UCHL3: variants seen among roughly 807,000 people sequenced by gnomAD.
UCHL3 encodes ubiquitin C-terminal hydrolase L3.
Under a neutral mutation model 35.8 loss-of-function variants are expected in UCHL3, and 22 were observed. The ratio of observed to expected loss-of-function variants is 0.61; its 90% confidence interval spans 0.44 to 0.88. The LOEUF is 0.88. Among genes scored for constraint, UCHL3 ranks in the 40% least tolerant of loss-of-function variants. UCHL3 has a pLI of 0.00. For synonymous variants in UCHL3, 90 were observed against 92.8 expected (o/e 0.97, Z 0.17); for missense variants, 229 against 276.9 (o/e 0.83, Z 1.23).
chr13:75,605,763 G>A lies in UCHL3; in HGVS notation c.644G>A (p.Arg215His), dbSNP rs776829672. 74 of 1,613,618 alleles carry A rather than the reference G, an allele frequency of 4.6e-5. No homozygotes were observed. The highest frequency in any genetic ancestry group is 5.5e-5 in the Non-Finnish European group (65 of 1,179,958). The stretch of plus-strand genomic sequence containing the variant: ...GAAGTTTGCAAGAAGTTTATGGAGC[G>A]CGACCCTGATGAACTAAGATTTAAT... ...AIEVCKKFME[R>H]DPDELRFNAI... is the part of the protein sequence containing the mutation. The change falls in exon 9 of 9, where the codon CGC becomes CAC. Residue 215 changes from arginine (R) to histidine (H), a missense_variant. Arg to His is a conservative substitution (Grantham distance 29). Coordinates refer to ENST00000377595, the MANE Select transcript of UCHL3 (RefSeq NM_006002.5).
chr13:75,562,534 T>TG (rs1024290001), intron 3 of UCHL3, among the ~76,000 whole-genome samples: 1 of 152,010 alleles, frequency 6.6e-6, no homozygotes, highest in African/African-American at 2.4e-5. Context: ...AGTAAATAAT[T>TG]GAAAAAAAAA....
chr13:75,558,617 T>A (rs573519320), intron 2 of UCHL3, among the ~76,000 whole-genome samples: 1 of 152,116 alleles, frequency 6.6e-6, no homozygotes. Context: ...AATGCTAGGG[T>A]TTTAGATTAG....
At chr13:75,588,366 T>G (rs766709600) in intron 6 of UCHL3, among the ~76,000 whole-genome samples, 13 of 152,148 alleles carry the variant, frequency 8.5e-5, no homozygotes, top group Admixed American at 4.6e-4. Context: ...ATTTCCCCTT[T>G]TTATTCATTG....
chr13:75,580,450 A>G (rs1462811489), intron 6 of UCHL3, among the ~76,000 whole-genome samples: 2 of 152,222 alleles, frequency 1.3e-5, no homozygotes, highest in African/African-American at 4.8e-5. Context: ...ATATGTGTAC[A>G]CACATTTATA....
chr13:75,570,632 CA>C (rs2031825838), intron 6 of UCHL3, among the ~76,000 whole-genome samples: 1 of 152,186 alleles, frequency 6.6e-6, no homozygotes, highest in Non-Finnish European at 1.5e-5. Context: ...TTTGGCTGAG[CA>C]TGCTGACTCA....
chr13:75,561,223 G>A (rs2031485242), intron 3 of UCHL3, among the ~76,000 whole-genome samples: 1 of 152,186 alleles, frequency 6.6e-6, no homozygotes, highest in Non-Finnish European at 1.5e-5. Flanking sequence ...ATGAGCCACT[G>A]TTCCCAGCCC....
At chr13:75,557,270 A>T (rs2031324484) in intron 2 of UCHL3, among the ~76,000 whole-genome samples, 1 of 152,122 alleles carries the variant, frequency 6.6e-6, no homozygotes, top group Non-Finnish European at 1.5e-5. Context: ...GTAGAGGTGA[A>T]GTGGGTACTG....
intron 2 of UCHL3, 86 bp downstream of exon 2, chr13:75,550,073 C>T (rs2031026391): frequency 5.6e-6 from 9 of 1,594,408 alleles, no homozygotes; most frequent in Non-Finnish European, 6.9e-6. Flanking sequence ...CTCCACGCTT[C>T]CAGGGATTCT....
At chr13:75,588,285 A>G (rs2032382217) in intron 6 of UCHL3, among the ~76,000 whole-genome samples, 1 of 151,986 alleles carries the variant, frequency 6.6e-6, no homozygotes, top group Non-Finnish European at 1.5e-5. Context: ...TTCCCTCTCT[A>G]GATTCTTAGA....
chr13:75,563,155 G>A (rs375625755), intron 3 of UCHL3, among the ~76,000 whole-genome samples: 1 of 148,556 alleles, frequency 6.7e-6, no homozygotes, highest in African/African-American at 2.4e-5. Context: ...ATGTATGTAT[G>A]TATGTATGTA....
Position 75,560,828 on chromosome 13 carries a change from A to G in UCHL3, c.130A>G (p.Met44Val), listed in dbSNP as rs372889994. ...TGGAATGGATCCTGAACTCCTTAGC[A>G]TGGTACCAAGACCAGTCTGTGCAGT... The part of the protein sequence containing the change: ...VYGMDPELLS[M>V]VPRPVCAVLL... The change falls in exon 3 of 9, where the codon ATG becomes GTG. Residue 44 changes from methionine (M) to valine (V), a missense_variant. Physicochemically the swap from Met to Val is conservative, Grantham distance 21. Transcript: ENST00000377595. 16 of 1,578,096 alleles carry G rather than the reference A, an allele frequency of 1.0e-5. No homozygotes were observed. The highest frequency in any genetic ancestry group is 3.9e-5 in the Admixed American group (2 of 51,396).
At chr13:75,579,401 G>A (rs984348702) in intron 6 of UCHL3, among the ~76,000 whole-genome samples, 3 of 151,850 alleles carry the variant, frequency 2.0e-5, no homozygotes, top group Non-Finnish European at 2.9e-5. Flanking sequence ...TTTTGGAGGC[G>A]ATTTTATTTT....
intron 2 of UCHL3, among the ~76,000 whole-genome samples, chr13:75,552,892 A>G (rs2031163068): frequency 6.6e-6 from 1 of 152,120 alleles, no homozygotes; most frequent in African/African-American, 2.4e-5. Context: ...TATATTTTAC[A>G]TATTGTTGTG....
At chr13:75,565,812 A>AT (rs1331947390) in intron 3 of UCHL3, among the ~76,000 whole-genome samples, 1 of 152,106 alleles carries the variant, frequency 6.6e-6, no homozygotes. Flanking sequence ...CCTTTTTGCT[A>AT]TTTTTTACTC....
intron 4 of UCHL3, 41 bp from the exon 5 acceptor site, chr13:75,567,186 G>A (rs1425019393): frequency 6.4e-7 from 1 of 1,569,132 alleles, no homozygotes; most frequent in Non-Finnish European, 8.8e-7. Flanking sequence ...TCTCTCTGCT[G>A]TATCAAGCCT....
intron 2 of UCHL3, among the ~76,000 whole-genome samples, chr13:75,553,870 T>C (rs2031200918): frequency 6.6e-6 from 1 of 152,242 alleles, no homozygotes; most frequent in Non-Finnish European, 1.5e-5. Flanking sequence ...TCCAAGGGCA[T>C]AGCCATCCAT....
At chr13:75,583,553 T>C (rs915675437) in intron 6 of UCHL3, among the ~76,000 whole-genome samples, 1 of 152,208 alleles carries the variant, frequency 6.6e-6, no homozygotes, top group Non-Finnish European at 1.5e-5. Context: ...TGGTAAAAGA[T>C]AGTAAGCACT....
At chr13:75,602,300 A>G (rs2032800362) in intron 7 of UCHL3, among the ~76,000 whole-genome samples, 1 of 152,098 alleles carries the variant, frequency 6.6e-6, no homozygotes, top group Non-Finnish European at 1.5e-5. Flanking sequence ...TCTCTTGTAC[A>G]ACTCTGTTGT....
In UCHL3 at chr13:75,567,286, C is replaced by G. The variant is rs374305257; in HGVS notation, c.400C>G (p.Arg134Gly). The G allele has an allele frequency of 1.2e-6, 2 of 1,613,984 alleles. No homozygotes were observed. Among genetic ancestry groups the G allele is most frequent in the African/African-American group, 1.3e-5 (1 of 74,904 alleles). ...EESVSMSPEE[R>G]ARYLENYDAI... is the part of the protein sequence containing the mutation. ...ATCTGTGTCAATGAGCCCTGAAGAA[C>G]GAGCCAGATACCTGGAGAACTATGA... is the stretch of plus-strand genomic sequence containing the variant. Residue 134 changes from arginine to glycine, a missense_variant, in exon 5 of 9, where the codon CGA becomes GGA. Arg to Gly is a moderately radical substitution (Grantham distance 125, BLOSUM62 -2). Transcript: ENST00000377595.
Sources: gnomAD v4.1 joint callset for allele counts (sites outside exome capture counted in the v4.1 genomes callset) on GRCh38, gnomAD v4.1.1 for gene constraint, MANE v1.5 for transcripts, NCBI Gene and HGNC (gene_info 2026-07-23, HGNC 2026-07-21) for gene names.